Variants in VTI1A observed in about 807,000 individuals in gnomAD.
VTI1A encodes vesicle transport through interaction with t-SNAREs 1A, also known as vesicle transport through interaction with t-SNAREs homolog 1A.
In VTI1A, 22 loss-of-function variants were observed where a neutral mutation model predicts 34.9. That is an observed-to-expected ratio of 0.63 (90% confidence interval 0.45 to 0.90). The LOEUF (loss-of-function observed/expected upper bound fraction) is 0.90. VTI1A is among the 40% of genes least tolerant of loss of function. The pLI, the probability that VTI1A is intolerant of heterozygous loss-of-function variation, is 0.00. For missense variants in VTI1A, 268 were observed against 275.6 expected, an observed-to-expected ratio of 0.97 and a Z score of 0.20; for synonymous variants, 87 against 97.3, an observed-to-expected ratio of 0.89 and a Z score of 0.62.
At chr10:112,583,532 A>G (rs958480232) in intron 5 of VTI1A, among the ~76,000 whole-genome samples, 10 of 152,340 alleles carry the variant, frequency 6.6e-5, no homozygotes, top group Non-Finnish European at 1.0e-4. Flanking sequence ...GATTATGTAA[A>G]ATAAAAAAAT....
At chr10:112,853,033 C>T in the VTI1A span, among the ~76,000 whole-genome samples, 2 of 152,180 alleles carry the variant, frequency 1.3e-5, no homozygotes, top group African/African-American at 4.8e-5. Context: ...ATCCACCTGC[C>T]TTGGCTTCCC....
At chr10:112,633,361 C>G (rs1267996280) in intron 5 of VTI1A, among the ~76,000 whole-genome samples, 1 of 152,196 alleles carries the variant, frequency 6.6e-6, no homozygotes, top group Non-Finnish European at 1.5e-5. Context: ...CTTTAAGCAT[C>G]ACCAGAAGCC....
Position 112,758,508 on chromosome 10 carries a change from AC to A in VTI1A, c.561-56778del, listed in dbSNP as rs200666463. 6.5e-3 allele frequency among the ~76,000 whole-genome samples: 990 copies of A among 152,278 alleles called. 9 individuals carry two copies. The highest frequency in any genetic ancestry group is 0.037 in the South Asian group (177 of 4,828). ...TTCAGGAATCTACATTTTTAAATGC[AC>A]CCCAAAGTGATTCCAGGGCAAGACA... is the stretch of plus-strand genomic sequence containing the variant. On this transcript the variant is annotated intron_variant, in intron 7 of 7. Transcript: ENST00000393077.
intron 5 of VTI1A, among the ~76,000 whole-genome samples, chr10:112,605,691 C>T (rs142014315): frequency 2.6e-4 from 39 of 152,282 alleles, no homozygotes; most frequent in African/African-American, 8.2e-4. Flanking sequence ...CACATCCAGC[C>T]GCCTGTGCTT....
chr10:112,822,572 C>A (rs985647940), downstream of VTI1A, among the ~76,000 whole-genome samples: 6 of 152,202 alleles, frequency 3.9e-5, no homozygotes, highest in African/African-American at 1.4e-4. Context: ...CCTGAGCAGA[C>A]CTTCCCCACA....
At chr10:112,599,433 C>T (rs1014314874) in intron 5 of VTI1A, among the ~76,000 whole-genome samples, 2 of 152,174 alleles carry the variant, frequency 1.3e-5, no homozygotes, top group Admixed American at 6.5e-5. Context: ...ATAGCTAGGG[C>T]GTATGCATGT....
the VTI1A span, among the ~76,000 whole-genome samples, chr10:112,840,448 G>T: frequency 2.6e-5 from 4 of 152,158 alleles, no homozygotes. Context: ...AGTGATGGTG[G>T]CTAGGCTAAC....
chr10:112,796,213 A>C (rs960454136), intron 7 of VTI1A, among the ~76,000 whole-genome samples: 1 of 152,140 alleles, frequency 6.6e-6, no homozygotes, highest in Admixed American at 6.5e-5. Flanking sequence ...AGCCTGGCCA[A>C]CACGATGAAA....
intron 5 of VTI1A, among the ~76,000 whole-genome samples, chr10:112,644,656 A>C (rs1846703644): frequency 6.6e-6 from 1 of 152,202 alleles, no homozygotes; most frequent in South Asian, 2.1e-4. Flanking sequence ...TCTTGCTGTC[A>C]GTTTTTGATT....
chr10:112,453,526 T>C (rs1847317977), intron 1 of VTI1A, among the ~76,000 whole-genome samples: 1 of 152,244 alleles, frequency 6.6e-6, no homozygotes, highest in African/African-American at 2.4e-5. Context: ...GACTCATAGA[T>C]ACCTATTTTA....
rs145721221 is a variant in VTI1A, at chr10:112,472,357, A to G, written c.264+7700A>G. Among the ~76,000 whole-genome samples the G allele has an allele frequency of 1.4e-3, 212 of 152,300 alleles. 1 individual carries two copies. The highest frequency in any genetic ancestry group is 4.8e-3 in the African/African-American group (199 of 41,554). ...TTGACAGTCTCAGCAGTGAGGCTGA[A>G]TGGTCCTAGAAATCCAACTACCTGC... is the stretch of plus-strand genomic sequence containing the variant. On this transcript the variant is annotated intron_variant, in intron 3 of 7. Transcript: ENST00000393077.
intron 5 of VTI1A, among the ~76,000 whole-genome samples, chr10:112,655,948 C>A (rs1847214333): frequency 6.6e-6 from 1 of 152,166 alleles, no homozygotes; most frequent in South Asian, 2.1e-4. Flanking sequence ...AGAATCTTTG[C>A]CAGAGTCTGT....
chr10:112,608,580 G>A (rs768895808), intron 5 of VTI1A, among the ~76,000 whole-genome samples: 36 of 152,210 alleles, frequency 2.4e-4, no homozygotes, highest in Non-Finnish European at 4.0e-4. Context: ...TCATGAAGGG[G>A]AAATAGGCCT....
chr10:112,508,496 A>C (rs1278192092), intron 3 of VTI1A, among the ~76,000 whole-genome samples: 4 of 152,142 alleles, frequency 2.6e-5, no homozygotes, highest in Non-Finnish European at 4.4e-5. Context: ...TCAAGGGGGT[A>C]GGAGAGACAA....
chr10:112,527,222 C>A (rs775893993), intron 4 of VTI1A, 58 bp downstream of exon 4: 2 of 1,476,278 alleles, frequency 1.4e-6, no homozygotes, highest in East Asian at 2.3e-5. Context: ...AGGTCACTGG[C>A]GCACTGGGCT....
intron 5 of VTI1A, among the ~76,000 whole-genome samples, chr10:112,667,898 A>G (rs775220714): frequency 6.6e-6 from 1 of 152,192 alleles, no homozygotes; most frequent in Non-Finnish European, 1.5e-5. Context: ...AAATTCCATG[A>G]TGACAAAATA....
chr10:112,504,832 T>C (rs1371300332), intron 3 of VTI1A, among the ~76,000 whole-genome samples: 2 of 152,078 alleles, frequency 1.3e-5, no homozygotes, highest in Non-Finnish European at 2.9e-5. Flanking sequence ...GGTTAACTAA[T>C]AGGAGTAAAG....
At chr10:112,849,241 T>A in the VTI1A span, among the ~76,000 whole-genome samples, 2 of 152,246 alleles carry the variant, frequency 1.3e-5, no homozygotes, top group Non-Finnish European at 1.5e-5. Context: ...CATCTGCAAC[T>A]GTTAAGACTC....
chr10:112,736,582 C>T (rs1850482007), intron 7 of VTI1A: 2 of 1,347,610 alleles, frequency 1.5e-6, no homozygotes, highest in Admixed American at 2.4e-5. Flanking sequence ...AAAGGCATGA[C>T]TCTGAAAGTG....
Sources: gnomAD v4.1 joint callset for allele counts (sites outside exome capture counted in the v4.1 genomes callset) on GRCh38, gnomAD v4.1.1 for gene constraint, MANE v1.5 for transcripts, NCBI Gene and HGNC (gene_info 2026-07-23, HGNC 2026-07-21) for gene names.